Variants in CELF2 observed in about 807,000 individuals in gnomAD.
CELF2 encodes CUGBP Elav-like family member 2.
In CELF2, 8 loss-of-function variants were observed where a neutral mutation model predicts 62.6. That is an observed-to-expected ratio of 0.13 (90% confidence interval 0.07 to 0.23). The LOEUF (loss-of-function observed/expected upper bound fraction) is 0.23. Ranked by LOEUF, CELF2 falls within the 10% of genes least tolerant of loss-of-function variation. The pLI, the probability that CELF2 is intolerant of heterozygous loss-of-function variation, is 1.00. For synonymous variants in CELF2, 258 were observed against 250.0 expected (o/e 1.03, Z -0.30); for missense variants, 333 against 671.0 (o/e 0.50, Z 5.56).
intron 1 of CELF2, among the ~76,000 whole-genome samples, chr10:11,043,106 C>T (rs2062129267): frequency 6.6e-6 from 1 of 152,178 alleles, no homozygotes; most frequent in African/African-American, 2.4e-5. Flanking sequence ...AGTGGCTGCA[C>T]CATTTTACCT....
intron 12 of CELF2, among the ~76,000 whole-genome samples, chr10:11,326,493 G>T (rs761164691): frequency 6.6e-6 from 1 of 152,206 alleles, no homozygotes; most frequent in Non-Finnish European, 1.5e-5. Flanking sequence ...CACCATCGGG[G>T]AGTGGGAATG....
In CELF2 at chr10:10,938,076, A is replaced by G. The variant is rs1326263424; in HGVS notation, c.89+18077A>G. Among the ~76,000 whole-genome samples the G allele has an allele frequency of 6.6e-6, 1 of 152,234 alleles. No individual in the cohort carries two copies. Among genetic ancestry groups the G allele is most frequent in the Non-Finnish European group, 1.5e-5 (1 of 68,050 alleles). On this transcript the variant is annotated intron_variant, in intron 2 of 13. Transcript: ENST00000636488. This position sits in a 1 kb window ranked among gnomAD's most constrained non-coding sequence, Gnocchi z 4.2. ...GAGGTATCTTAGATATAGAAATCTA[A>G]TTTGGAATAACTCAAGAGAGATAGA... is the stretch of plus-strand genomic sequence containing the variant.
chr10:10,783,094 G>A, the CELF2 span, among the ~76,000 whole-genome samples: 1 of 152,234 alleles, frequency 6.6e-6, no homozygotes, highest in South Asian at 2.1e-4. Context: ...CTCTTGTGAA[G>A]GGTTTTCACT....
At chr10:10,467,359 A>G in the CELF2 span, among the ~76,000 whole-genome samples, 1 of 151,888 alleles carries the variant, frequency 6.6e-6, no homozygotes, top group African/African-American at 2.4e-5. Flanking sequence ...ACCCCCACTT[A>G]ATTACCTTAG....
chr10:11,029,373 A>C (rs1337451303), intron 1 of CELF2, among the ~76,000 whole-genome samples: 1 of 152,218 alleles, frequency 6.6e-6, no homozygotes, highest in Non-Finnish European at 1.5e-5. Context: ...GTTTGCTCCC[A>C]GTGCTGCAAG....
the CELF2 span, among the ~76,000 whole-genome samples, chr10:10,603,235 A>G: frequency 6.6e-6 from 1 of 152,168 alleles, no homozygotes; most frequent in African/African-American, 2.4e-5. Context: ...TCAGTCACGT[A>G]GGGAGACTTA....
At chr10:11,111,443 G>C (rs4336927) in intron 1 of CELF2, among the ~76,000 whole-genome samples, 33,362 of 152,162 alleles carry the variant, frequency 0.22, 3,839 homozygotes, top group African/African-American at 0.26. Flanking sequence ...TCTTTGATCT[G>C]CATTCAATAA....
At chr10:10,866,438 C>G (rs2060367946) in intron 1 of CELF2, among the ~76,000 whole-genome samples, 1 of 151,732 alleles carries the variant, frequency 6.6e-6, no homozygotes, top group African/African-American at 2.4e-5. Flanking sequence ...AAACCCATCT[C>G]TATTAAAAAT....
intron 3 of CELF2, among the ~76,000 whole-genome samples, chr10:11,228,051 A>C (rs1438221286): frequency 1.3e-5 from 2 of 152,226 alleles, no homozygotes; most frequent in Admixed American, 6.5e-5. Context: ...CACAGGGATT[A>C]GGAAAGAGAA....
the CELF2 span, among the ~76,000 whole-genome samples, chr10:10,477,654 CTG>C: frequency 2.0e-5 from 3 of 151,664 alleles, no homozygotes; most frequent in Non-Finnish European, 2.9e-5. Flanking sequence ...GCTCGACAGA[CTG>C]TTTTTATATG....
At chr10:10,672,657 A>G in the CELF2 span, among the ~76,000 whole-genome samples, 18 of 151,858 alleles carry the variant, frequency 1.2e-4, no homozygotes, top group Non-Finnish European at 2.2e-4. Context: ...TGATCTATTT[A>G]TTTATTATTT....
At chr10:10,872,232 C>G (rs1455830252) in intron 1 of CELF2, among the ~76,000 whole-genome samples, 1 of 152,140 alleles carries the variant, frequency 6.6e-6, no homozygotes, top group Non-Finnish European at 1.5e-5. Flanking sequence ...ATGATTGTAT[C>G]CCTAAGGAAG....
At chr10:10,583,919 C>G in the CELF2 span, among the ~76,000 whole-genome samples, 2 of 152,074 alleles carry the variant, frequency 1.3e-5, no homozygotes, top group East Asian at 3.9e-4. Flanking sequence ...AGTATGTAGT[C>G]CAAGAGCACT....
chr10:10,797,250 T>C (rs2054195323), upstream of CELF2, among the ~76,000 whole-genome samples: 1 of 152,140 alleles, frequency 6.6e-6, no homozygotes, highest in African/African-American at 2.4e-5. Flanking sequence ...GGCTGATGCT[T>C]TCAAGTAACA....
chr10:11,240,972 T>C (rs2073666804), intron 3 of CELF2, among the ~76,000 whole-genome samples: 1 of 152,122 alleles, frequency 6.6e-6, no homozygotes, highest in South Asian at 2.1e-4. Flanking sequence ...ACCTGCTTGC[T>C]GTCTGACTCG....
At chr10:11,083,737 G>A (rs2074661633) in intron 1 of CELF2, among the ~76,000 whole-genome samples, 1 of 152,174 alleles carries the variant, frequency 6.6e-6, no homozygotes, top group African/African-American at 2.4e-5. Context: ...TGGACTCTGG[G>A]TTCCACCACT....
chr10:11,289,181 GT>G (rs201446310), intron 9 of CELF2, among the ~76,000 whole-genome samples: 1 of 150,818 alleles, frequency 6.6e-6, no homozygotes, highest in African/African-American at 2.4e-5. Flanking sequence ...GTTTTGTTTT[GT>G]TTTTTTTTAA....
chr10:11,133,083 G>GTACA (rs1819094691), intron 1 of CELF2, among the ~76,000 whole-genome samples: 1 of 152,158 alleles, frequency 6.6e-6, no homozygotes, highest in South Asian at 2.1e-4. Flanking sequence ...GACAGCTGTA[G>GTACA]TACATGTGTC....
chr10:10,802,070 GAA>G (rs1379704247), intron 1 of CELF2, among the ~76,000 whole-genome samples: 1 of 152,008 alleles, frequency 6.6e-6, no homozygotes, highest in Non-Finnish European at 1.5e-5. Flanking sequence ...TGACTCCTCG[GAA>G]AGTACAAACA....
Sources: allele counts gnomAD v4.1 joint callset (sites outside exome capture counted in the v4.1 genomes callset), GRCh38; gene constraint gnomAD v4.1.1; non-coding constraint Gnocchi (gnomAD v3.1); transcripts MANE v1.5; gene names NCBI Gene and HGNC (gene_info 2026-07-23, HGNC 2026-07-21).